Variants in CELF6 observed in about 807,000 individuals in gnomAD.
The protein encoded by CELF6 is Bruno -like 6, RNA binding protein.
CELF6 carries 32 observed loss-of-function variants against 53.1 expected under a neutral mutation model. The observed-to-expected ratio is 0.60, with a 90% CI of 0.46 to 0.81. The LOEUF is 0.81. CELF6 is among the 30% of genes least tolerant of loss of function. The pLI, the probability that CELF6 is intolerant of heterozygous loss-of-function variation, is 0.00. For synonymous variants in CELF6, 291 were observed against 288.8 expected (o/e 1.01, Z -0.08); for missense variants, 539 against 669.5 (o/e 0.81, Z 2.15).
chr15:72,306,320 A>T, intron 2 of CELF6: 4 of 985,120 alleles, frequency 4.1e-6, no homozygotes, highest in Non-Finnish European at 4.8e-6. Flanking sequence ...ACTGATGCCC[A>T]TCTGGCCTGA....
intron 2 of CELF6, 110 bp from the exon 3 acceptor site, chr15:72,304,904 T>A (rs779115986): frequency 1.1e-6 from 1 of 869,610 alleles, no homozygotes; most frequent in Non-Finnish European, 1.9e-6. Context: ...CCCTTTGAAC[T>A]CTGCACTCTA....
intron 3 of CELF6, among the ~76,000 whole-genome samples, chr15:72,304,161 G>A (rs562863975): frequency 2.0e-4 from 30 of 152,156 alleles, no homozygotes; most frequent in Non-Finnish European, 3.7e-4. Context: ...ATGAGCCACC[G>A]TGCTCAGCCC....
At position 72,286,316 on chromosome 15, in the gene CELF6, C is replaced by G. The variant is rs1432477603; in HGVS notation, c.*55G>C. The G allele has an allele frequency of 6.5e-6, 1 of 152,768 alleles. No individual in the cohort carries two copies. Among genetic ancestry groups the G allele is most frequent in the Non-Finnish European group, 1.5e-5 (1 of 68,088 alleles). 9.5% of individuals were successfully genotyped at this position (152,768 alleles called of 1,614,324 possible). A position where few individuals can be genotyped will look rare whatever the true frequency, so the allele number is the denominator to read the frequency against. ...CTGCTCAAGCGTTTCTGTGCTTTTC[C>G]TCTCCTTTCTTCTCACTCTTCTGTT... On this transcript the variant is annotated 3_prime_UTR_variant, in exon 13 of 13. Coordinates refer to ENST00000287202, the MANE Select transcript of CELF6 (RefSeq NM_052840.5).
At chr15:72,297,784 C>T (rs1292368446) in intron 3 of CELF6, among the ~76,000 whole-genome samples, 1 of 152,186 alleles carries the variant, frequency 6.6e-6, no homozygotes, top group African/African-American at 2.4e-5. Context: ...GTTACTGTTT[C>T]TGCAAGAAGA....
At position 72,287,387 on chromosome 15, in the gene CELF6, C is replaced by T. The variant is rs781551701; in HGVS notation, c.1324G>A (p.Val442Ile). 6.2e-7 allele frequency: 1 copy of T among 1,614,000 alleles called. No individual in the cohort carries two copies. Among genetic ancestry groups the T allele is most frequent in the Non-Finnish European group, 8.5e-7 (1 of 1,179,900 alleles). The change falls in exon 12 of 13, where the codon GTT (valine) becomes ATT (isoleucine). Residue 442 changes from valine (V) to isoleucine (I), a missense_variant. Around this residue, in one of 3 missense-constraint regions of CELF6, gnomAD observed 358 missense variants for 412.8 expected, o/e 0.87. Transcript: ENST00000287202. ...GCACTAGTTGGATTGTCAAAACTAA[C>T]AAACCCTGGAGGGTGTGGGCAAAGA... is the stretch of plus-strand genomic sequence containing the variant. The part of the protein sequence containing the change: ...ATNQSKCFGF[V>I]SFDNPTSAQT...
chr15:72,289,109 G>A lies in CELF6; in HGVS notation c.1030+29C>T. On this transcript the variant is annotated intron_variant, in intron 8 of 12. Transcript: ENST00000287202. The surrounding 1 kb of genome is among the most constrained non-coding windows in gnomAD (Gnocchi z 7.6). ...ACCCCCCGCTCCCCACTCCATTTCGGGGGGATTTGGGCGGAGCGGGGGGCC... is the reference window on the plus strand; with the variant it reads ...ACCCCCCGCTCCCCACTCCATTTCGAGGGGATTTGGGCGGAGCGGGGGGCC... 6.7e-7 allele frequency: 1 copy of A among 1,481,564 alleles called. No homozygotes were observed. The highest frequency in any genetic ancestry group is 9.0e-7 in the Non-Finnish European group (1 of 1,114,690). The allele number at this position is 1,481,564 out of a possible 1,614,324, so 91.8% of individuals were successfully genotyped here. A position where few individuals can be genotyped will look rare whatever the true frequency, so the allele number is the denominator to read the frequency against.
chr15:72,311,821 A>G (rs7182307), intron 2 of CELF6, among the ~76,000 whole-genome samples: 25,168 of 152,232 alleles, frequency 0.17, 6,024 homozygotes, highest in African/African-American at 0.53. Flanking sequence ...CAACCCTGGG[A>G]TGAATGAGAA....
intron 3 of CELF6, among the ~76,000 whole-genome samples, chr15:72,297,671 T>C (rs1304242174): frequency 1.3e-5 from 2 of 152,350 alleles, no homozygotes; most frequent in Admixed American, 1.3e-4. Context: ...ATGATTCCAC[T>C]TACATAAGGT....
At chr15:72,292,196 A>T in intron 3 of CELF6, 1 of 1,534,236 alleles carries the variant, frequency 6.5e-7, no homozygotes, top group Non-Finnish European at 8.7e-7. Context: ...GAAATTACTG[A>T]CCTAGAAGAT....
At position 72,289,277 on chromosome 15, in the gene CELF6, G is replaced by T; in HGVS notation, c.891C>A (p.Ser297=). 6.4e-7 allele frequency: 1 copy of T among 1,574,572 alleles called. No homozygotes were observed. Among genetic ancestry groups the T allele is most frequent in the South Asian group, 1.2e-5 (1 of 86,578 alleles). ...GGGTGCCAGGGCCGCTGCCAGGCGGGGAGTTGGCTGCTGATGGCGGAAAAG... is the reference window on the plus strand; with the variant it reads ...GGGTGCCAGGGCCGCTGCCAGGCGGTGAGTTGGCTGCTGATGGCGGAAAAG... ...APLLPAAAAN[S]PPGSGPGTLP... The change falls in exon 8 of 13, where the codon TCC becomes TCA. Residue 297 remains serine (S), a synonymous_variant. Coordinates refer to ENST00000287202, the MANE Select transcript of CELF6 (RefSeq NM_052840.5). The surrounding 1 kb of genome is among the most constrained non-coding windows in gnomAD (Gnocchi z 7.6).
chr15:72,316,066 C>T (rs1182779473), intron 1 of CELF6, 139 bp from the exon 2 acceptor site: 2 of 605,078 alleles, frequency 3.3e-6, no homozygotes, highest in Non-Finnish European at 5.8e-6. Context: ...CTCTCTGCCT[C>T]CCACCTCTGG....
intron 11 of CELF6, among the ~76,000 whole-genome samples, chr15:72,287,838 C>CTTTT (rs546834252): frequency 7.0e-6 from 1 of 142,036 alleles, no homozygotes. Context: ...AAAGCTCGTT[C>CTTTT]TTTTTTTTTT....
chr15:72,304,655 C>G (rs1317307530), intron 3 of CELF6, 91 bp downstream of exon 3: 8 of 1,183,704 alleles, frequency 6.8e-6, no homozygotes, highest in Non-Finnish European at 1.0e-5. Context: ...CAGGGAGGCT[C>G]TCATACTAAA....
rs1258970008 is a variant in CELF6 at position 72,287,222 on chromosome 15, C to T, written c.*28+15G>A. On this transcript the variant is annotated intron_variant, in intron 12 of 12. Coordinates refer to ENST00000287202, the MANE Select transcript of CELF6 (RefSeq NM_052840.5). Reference sequence around the variant, plus strand: ...CACTCAGGCCTCATCTACCTGGGGTCCATCAGGGACTCACCTTTCTGTGGC... The same window carrying T: ...CACTCAGGCCTCATCTACCTGGGGTTCATCAGGGACTCACCTTTCTGTGGC... 9 of 1,605,098 alleles carry T rather than the reference C, an allele frequency of 5.6e-6. No individual in the cohort carries two copies. The highest frequency in any genetic ancestry group is 7.7e-6 in the Non-Finnish European group (9 of 1,175,572).
At chr15:72,312,340 T>G (rs2088307063) in intron 2 of CELF6, among the ~76,000 whole-genome samples, 1 of 152,102 alleles carries the variant, frequency 6.6e-6, no homozygotes, top group Admixed American at 6.5e-5. Flanking sequence ...ATCCATGAAA[T>G]TCTTGGCCAG....
intron 3 of CELF6, among the ~76,000 whole-genome samples, chr15:72,294,703 C>T (rs2088051872): frequency 6.6e-6 from 1 of 152,178 alleles, no homozygotes; most frequent in Non-Finnish European, 1.5e-5. Flanking sequence ...CAAAAGCCAG[C>T]ACGGTGGCTC....
intron 3 of CELF6, among the ~76,000 whole-genome samples, chr15:72,294,954 G>A (rs2088056981): frequency 7.8e-6 from 1 of 128,052 alleles, no homozygotes; most frequent in Non-Finnish European, 1.6e-5. Context: ...CTCCTGCCTG[G>A]GAGACAGAGT....
chr15:72,303,540 G>A (rs2141198165), intron 3 of CELF6, among the ~76,000 whole-genome samples: 1 of 152,318 alleles, frequency 6.6e-6, no homozygotes, highest in Admixed American at 6.5e-5. Context: ...GAGGGGTACA[G>A]AATTAGTAGG....
At position 72,288,906 on chromosome 15, in the gene CELF6, G is replaced by C. The variant is rs1039258645; in HGVS notation, c.1055C>G (p.Pro352Arg). 2 of 1,550,972 alleles carry C rather than the reference G, an allele frequency of 1.3e-6. No homozygotes were observed. Among genetic ancestry groups the C allele is most frequent in the African/African-American group, 1.4e-5 (1 of 73,204 alleles). The change falls in exon 9 of 13, where the codon CCC (proline) becomes CGC (arginine). Residue 352 changes from proline to arginine, a missense_variant. Physicochemically the swap from Pro to Arg is moderately radical, Grantham distance 103 (BLOSUM62 -2). Coordinates refer to ENST00000287202, the MANE Select transcript of CELF6 (RefSeq NM_052840.5). This position sits in a 1 kb window ranked among gnomAD's most constrained non-coding sequence, Gnocchi z 4.6. ...YPAQSPGVADPLQQAYAGMHH... is the reference protein window; with the variant it reads ...YPAQSPGVADRLQQAYAGMHH... ...CATCCCAGCGTAGGCCTGCTGCAGG[G>C]GGTCAGCCACGCCGGGGCTCTGGGC...
Sources: gnomAD v4.1 joint callset for allele counts (sites outside exome capture counted in the v4.1 genomes callset) on GRCh38, gnomAD v4.1.1 for gene constraint, gnomAD v4.1.1 regional missense constraint, Gnocchi (gnomAD v3.1) non-coding constraint, MANE v1.5 for transcripts, NCBI Gene and HGNC (gene_info 2026-07-23, HGNC 2026-07-21) for gene names.